AMZ1: variants seen among roughly 807,000 people sequenced by gnomAD.
AMZ1 encodes archaemetzincin-1.
A neutral mutation model predicts 29.9 loss-of-function variants in AMZ1; 39 were observed. That is an observed-to-expected ratio of 1.30 (90% CI 1.01 to 1.70). The LOEUF (loss-of-function observed/expected upper bound fraction) is 1.70, where lower values mean the gene tolerates loss of function less well. Ranked by LOEUF, AMZ1 falls within the 40% of genes most tolerant of loss-of-function variation. The probability of loss-of-function intolerance (pLI) is 0.00; values close to 1 mark genes in which losing one functional copy is unlikely to be tolerated. For synonymous variants in AMZ1, 458 were observed against 304.0 expected (o/e 1.51, Z -5.27); for missense variants, 1,041 against 680.6 (o/e 1.53, Z -5.89).
intron 4 of AMZ1, among the ~76,000 whole-genome samples, chr7:2,737,036 C>A (rs529348587): frequency 3.5e-4 from 53 of 152,294 alleles, no homozygotes; most frequent in African/African-American, 1.2e-3. Context: ...TCCTGCCTGT[C>A]AATGTCACAG....
intron 4 of AMZ1, among the ~76,000 whole-genome samples, chr7:2,745,824 G>A (rs1161706550): frequency 6.6e-6 from 1 of 152,166 alleles, no homozygotes; most frequent in Non-Finnish European, 1.5e-5. Flanking sequence ...GATGCAGGAA[G>A]ATCTACCAAG....
upstream of AMZ1, chr7:2,762,763 C>T (rs768184295): frequency 1.9e-4 from 301 of 1,548,960 alleles, no homozygotes; most frequent in Middle Eastern, 5.0e-4. Context: ...CCAGGCCCGT[C>T]CTTTCCACCC....
rs1220916680 is a variant in AMZ1 at position 2,737,269 on chromosome 7, GTTTT to G, written n.551-27442_551-27439del. Reference sequence around the variant, plus strand: ...CATTCAGGAGCTATCTCACAGTTTTGTTTTGTTTTTTTTTTTTTTGTTTTTTTTT... The same window carrying G: ...CATTCAGGAGCTATCTCACAGTTTTGGTTTTTTTTTTTTTTGTTTTTTTTT... On this transcript the variant is annotated intron_variant and non_coding_transcript_variant, in intron 4 of 4. Coordinates refer to the AMZ1 transcript ENST00000489665. Among the ~76,000 whole-genome samples the G allele has an allele frequency of 7.3e-4, 28 of 38,122 alleles. 1 individual carries two copies. Among genetic ancestry groups the G allele is most frequent in the Non-Finnish European group, 1.2e-3 (22 of 18,462 alleles). The allele number at this position is 38,122 out of a possible 152,430, so 25.0% of individuals were successfully genotyped here.
chr7:2,680,633 C>G (rs1020714619), intron 1 of AMZ1, among the ~76,000 whole-genome samples: 2 of 152,248 alleles, frequency 1.3e-5, no homozygotes, highest in South Asian at 4.1e-4. Flanking sequence ...GAGGTGATGG[C>G]TCAGGAAGGT....
At position 2,714,680 on chromosome 7, in the gene AMZ1, C is replaced by T. The variant is rs529235941; in HGVS notation, c.*1802C>T. ...ATGAATCTGTAACTTGGGCAGAGCTCGGTGGAGACGGTTTGCCCCTGTGGC... is the reference window on the plus strand; with the variant it reads ...ATGAATCTGTAACTTGGGCAGAGCTTGGTGGAGACGGTTTGCCCCTGTGGC... On this transcript the variant is annotated 3_prime_UTR_variant, in exon 7 of 7. Coordinates refer to ENST00000683327, the MANE Select transcript of AMZ1 (RefSeq NM_001384743.1). The T allele has an allele frequency of 3.9e-5, 6 of 152,282 alleles. No homozygotes were observed. The South Asian group carries it at 8.3e-4, about 21-fold the overall frequency. The allele number at this position is 152,282 out of a possible 1,614,324, so 9.4% of individuals were successfully genotyped here.
intron 1 of AMZ1, among the ~76,000 whole-genome samples, chr7:2,688,653 G>A (rs1787197878): frequency 6.6e-6 from 1 of 152,162 alleles, no homozygotes; most frequent in Non-Finnish European, 1.5e-5. Context: ...CCAGGGCCAA[G>A]CGCCCGAAAG....
chr7:2,722,214 G>A (rs187448616), downstream of AMZ1, among the ~76,000 whole-genome samples: 5 of 152,282 alleles, frequency 3.3e-5, no homozygotes, highest in East Asian at 5.8e-4. Flanking sequence ...ATTTCCTGGC[G>A]ACGCTTGTGC....
At chr7:2,688,009 C>CA (rs11462379), upstream of AMZ1, among the ~76,000 whole-genome samples, 20,526 of 148,798 alleles carry the variant, frequency 0.14, 1,743 homozygotes, top group East Asian at 0.39. Context: ...GGCTCTGGGG[C>CA]CCCCCTGCCC....
chr7:2,749,284 G>A (rs1023916028), intron 4 of AMZ1, among the ~76,000 whole-genome samples: 3 of 152,102 alleles, frequency 2.0e-5, no homozygotes, highest in African/African-American at 7.2e-5. Context: ...ATGATAGACT[G>A]GATTAAGAAA....
upstream of AMZ1, among the ~76,000 whole-genome samples, chr7:2,763,902 T>C (rs1791692728): frequency 6.6e-6 from 1 of 152,212 alleles, no homozygotes; most frequent in Admixed American, 6.5e-5. Flanking sequence ...TCAGCTGAGC[T>C]GTTGCTTTAG....
chr7:2,761,989 C>G (rs958626246), upstream of AMZ1, among the ~76,000 whole-genome samples: 6 of 152,230 alleles, frequency 3.9e-5, no homozygotes, highest in Admixed American at 6.5e-5. Flanking sequence ...ACAGCCTAAC[C>G]TCACCGAGGC....
chr7:2,711,937 C>T (rs961061957), intron 6 of AMZ1, among the ~76,000 whole-genome samples: 1 of 152,124 alleles, frequency 6.6e-6, no homozygotes, highest in Non-Finnish European at 1.5e-5. Context: ...ATCCCTGCTA[C>T]TCAGGAGGCC....
intron 1 of AMZ1, among the ~76,000 whole-genome samples, chr7:2,681,758 A>G (rs1232867172): frequency 2.0e-5 from 3 of 152,248 alleles, no homozygotes; most frequent in Admixed American, 6.5e-5. Context: ...GGGGCCCCTG[A>G]CTACACACAG....
intron 4 of AMZ1, among the ~76,000 whole-genome samples, chr7:2,751,866 A>G (rs1244082557): frequency 6.6e-6 from 1 of 152,224 alleles, no homozygotes; most frequent in African/African-American, 2.4e-5. Context: ...TTCTAAAACA[A>G]CAACAAAACT....
At chr7:2,744,044 A>G (rs1790642731) in intron 4 of AMZ1, among the ~76,000 whole-genome samples, 2 of 152,234 alleles carry the variant, frequency 1.3e-5, no homozygotes, top group African/African-American at 4.8e-5. Flanking sequence ...GGTGGAGCCC[A>G]CCACAGCTCA....
At chr7:2,762,817 T>A (rs1333177087), upstream of AMZ1, 1 of 1,525,644 alleles carries the variant, frequency 6.6e-7, no homozygotes, top group Admixed American at 2.1e-5. Context: ...CGGCCTCCCA[T>A]CCGCCACACA....
intron 1 of AMZ1, among the ~76,000 whole-genome samples, chr7:2,699,373 C>T (rs1453975860): frequency 2.6e-5 from 4 of 152,186 alleles, no homozygotes; most frequent in African/African-American, 9.7e-5. Context: ...CCTACCTGGT[C>T]CGTCCTGGGT....
intron 4 of AMZ1, among the ~76,000 whole-genome samples, chr7:2,734,306 A>C (rs1790049279): frequency 6.6e-6 from 1 of 152,234 alleles, no homozygotes; most frequent in South Asian, 2.1e-4. Flanking sequence ...CTTCAAAGGT[A>C]GCGTATTAAA....
At chr7:2,735,313 TTTCTAG>T (rs1790112598) in intron 4 of AMZ1, among the ~76,000 whole-genome samples, 1 of 152,160 alleles carries the variant, frequency 6.6e-6, no homozygotes, top group Non-Finnish European at 1.5e-5. Context: ...CCCTTGCCCG[TTTCTAG>T]GCAGGTGGTG....
Sources: allele counts gnomAD v4.1 joint callset (sites outside exome capture counted in the v4.1 genomes callset), GRCh38; gene constraint gnomAD v4.1.1; transcripts MANE v1.5; gene names NCBI Gene and HGNC (gene_info 2026-07-23, HGNC 2026-07-21).